SCN4B: variants seen among roughly 807,000 people sequenced by gnomAD.
SCN4B encodes the protein sodium channel regulatory subunit beta-4.
SCN4B carries 20 observed loss-of-function variants against 19.6 expected under a neutral mutation model. The ratio of observed to expected loss-of-function variants is 1.02; its 90% CI spans 0.72 to 1.48. SCN4B has a LOEUF of 1.48. Among genes scored for constraint, SCN4B ranks in the 40% most tolerant of loss-of-function variants. The pLI is 0.00. For synonymous variants in SCN4B, 127 were observed against 122.8 expected, an observed-to-expected ratio of 1.03 and a Z score of -0.22; for missense variants, 271 against 287.5, an observed-to-expected ratio of 0.94 and a Z score of 0.42.
At chr11:118,141,565 G>T in intron 3 of SCN4B, 1 of 587,866 alleles carries the variant, frequency 1.7e-6, no homozygotes, top group East Asian at 2.9e-5. Flanking sequence ...CCCCCACCCT[G>T]CACATGCCCT....
At position 118,133,952 on chromosome 11, in the gene SCN4B, C is replaced by A. The variant is rs1203868582; in HGVS notation, c.*3075G>T. 1 of 454,644 alleles carries A rather than the reference C, an allele frequency of 2.2e-6. No individual in the cohort carries two copies. The highest frequency in any genetic ancestry group is 1.6e-5 in the South Asian group (1 of 64,474). The allele number at this position is 454,644 out of a possible 1,614,324, so 28.2% of individuals were successfully genotyped here. A position where few individuals can be genotyped will look rare whatever the true frequency, so the allele number is the denominator to read the frequency against. The stretch of plus-strand genomic sequence containing the variant: ...CAGCATCTGCCCATCATGCATCACC[C>A]CTTACATGCAGAGCCCATCCACTCC... On this transcript the variant is annotated 3_prime_UTR_variant, in exon 5 of 5. Transcript: ENST00000324727.
intron 1 of SCN4B, among the ~76,000 whole-genome samples, chr11:118,151,223 G>A (rs1301406100): frequency 6.6e-6 from 1 of 152,084 alleles, no homozygotes; most frequent in Non-Finnish European, 1.5e-5. Flanking sequence ...CAAGGGACTG[G>A]CATCCCACCA....
rs539913294 is a variant in SCN4B at position 118,152,095 on chromosome 11, G to A, written c.61+518C>T. ...CTGTAGGGAAGGCAGTGGCTCCTGA[G>A]GGAGGTACAGGGCAGAGGAGCAAAG... On this transcript the variant is annotated intron_variant, in intron 1 of 4. Coordinates refer to ENST00000324727, the MANE Select transcript of SCN4B (RefSeq NM_174934.4). Among the ~76,000 whole-genome samples the A allele has an allele frequency of 5.3e-5, 8 of 152,312 alleles. No homozygotes were observed. In the East Asian group the frequency reaches 1.2e-3, roughly 22 times the overall value.
intron 2 of SCN4B, 122 bp from the exon 3 acceptor site, chr11:118,144,183 T>G: frequency 1.4e-6 from 1 of 717,248 alleles, no homozygotes; most frequent in Non-Finnish European, 2.5e-6. Flanking sequence ...AGGAAGAGCC[T>G]GTAGTCACGC....
Position 118,136,858 on chromosome 11 carries a change from G to T in SCN4B, c.*169C>A, listed in dbSNP as rs1349297458. 1.4e-6 allele frequency: 1 copy of T among 693,528 alleles called. No homozygotes were observed. The highest frequency in any genetic ancestry group is 1.5e-5 in the South Asian group (1 of 66,576). 43.0% of individuals were successfully genotyped at this position (693,528 alleles called of 1,614,324 possible). A position where few individuals can be genotyped will look rare whatever the true frequency, so the allele number is the denominator to read the frequency against. On this transcript the variant is annotated 3_prime_UTR_variant, in exon 5 of 5. Transcript: ENST00000324727. Reference sequence around the variant, plus strand: ...CTTGTCCCTGGGGAGCCCTGACTGGGAAGGGGATGGGCAGGCTGGGCAGGA... The same window carrying T: ...CTTGTCCCTGGGGAGCCCTGACTGGTAAGGGGATGGGCAGGCTGGGCAGGA...
Position 118,152,708 on chromosome 11 carries a change from G to A in SCN4B, c.-35C>T, listed in dbSNP as rs771255756. The A allele has an allele frequency of 9.0e-6, 14 of 1,558,180 alleles. No individual in the cohort carries two copies. Among genetic ancestry groups the A allele is most frequent in the Admixed American group, 1.7e-5 (1 of 58,008 alleles). On this transcript the variant is annotated 5_prime_UTR_variant, in exon 1 of 5. Coordinates refer to ENST00000324727, the MANE Select transcript of SCN4B (RefSeq NM_174934.4). ...CTCTCCGGAGCGCGCGGGGGTCGCGGGGATGGGATACTGGGCACAGCCGCG... is the reference window on the plus strand; with the variant it reads ...CTCTCCGGAGCGCGCGGGGGTCGCGAGGATGGGATACTGGGCACAGCCGCG...
At chr11:118,146,317 A>C (rs1055970873) in intron 1 of SCN4B, among the ~76,000 whole-genome samples, 5 of 150,256 alleles carry the variant, frequency 3.3e-5, no homozygotes, top group African/African-American at 1.2e-4. Flanking sequence ...CCCCACACAC[A>C]CACCCACCCC....
At chr11:118,150,893 G>T (rs1278894275) in intron 1 of SCN4B, among the ~76,000 whole-genome samples, 1 of 152,214 alleles carries the variant, frequency 6.6e-6, no homozygotes, top group African/African-American at 2.4e-5. Flanking sequence ...GACCAGAGGG[G>T]CAGGGGACAG....
At chr11:118,149,862 C>A (rs959702481) in intron 1 of SCN4B, among the ~76,000 whole-genome samples, 1 of 152,200 alleles carries the variant, frequency 6.6e-6, no homozygotes, top group Non-Finnish European at 1.5e-5. Flanking sequence ...GAACTCCAGC[C>A]TTCTCTCTCA....
At chr11:118,141,582 G>A in intron 3 of SCN4B, 1 of 575,680 alleles carries the variant, frequency 1.7e-6, no homozygotes, top group East Asian at 2.9e-5. Flanking sequence ...CCCTCCCACA[G>A]ATGCACTCAC....
Position 118,134,483 on chromosome 11 carries a change from A to AG in SCN4B, c.*2543_*2544insC, listed in dbSNP as rs1947965286. The AG allele has an allele frequency of 2.2e-6, 1 of 453,940 alleles. No individual in the cohort carries two copies. Among genetic ancestry groups the AG allele is most frequent in the African/African-American group, 2.0e-5 (1 of 49,986 alleles). 28.1% of individuals were successfully genotyped at this position (453,940 alleles called of 1,614,324 possible). A position where few individuals can be genotyped will look rare whatever the true frequency, so the allele number is the denominator to read the frequency against. ...TATAATGTTGACATGGGACAGGATG[A>AG]TTCTTTGTTGTGGGGACTAAGTTTA... is the stretch of plus-strand genomic sequence containing the variant. On this transcript the variant is annotated 3_prime_UTR_variant, in exon 5 of 5. Coordinates refer to ENST00000324727, the MANE Select transcript of SCN4B (RefSeq NM_174934.4).
intron 1 of SCN4B, among the ~76,000 whole-genome samples, chr11:118,149,059 C>T (rs1948210721): frequency 6.6e-6 from 1 of 152,160 alleles, no homozygotes; most frequent in East Asian, 1.9e-4. Context: ...GTCCTGGCCC[C>T]CTGCCATCCT....
chr11:118,141,106 G>C (rs953313046), intron 4 of SCN4B, 101 bp downstream of exon 4: 6 of 1,323,388 alleles, frequency 4.5e-6, no homozygotes, highest in East Asian at 2.3e-5. Flanking sequence ...GAATGGGAAT[G>C]GGGGGAAGGA....
In SCN4B at chr11:118,136,516, C is replaced by A. The variant is rs1371338022; in HGVS notation, c.*511G>T. 3.7e-5 allele frequency: 17 copies of A among 454,026 alleles called. No individual in the cohort carries two copies. The Admixed American group carries it at 4.0e-4, about 11-fold the overall frequency. 28.1% of individuals were successfully genotyped at this position (454,026 alleles called of 1,614,324 possible). A position where few individuals can be genotyped will look rare whatever the true frequency, so the allele number is the denominator to read the frequency against. ...TGGTATCCTATGAAGCAGAGGCAGT[C>A]TCTCACTGTGGGCCTGCCCCCATCA... On this transcript the variant is annotated 3_prime_UTR_variant, in exon 5 of 5. Transcript: ENST00000324727.
rs991470760 is a variant in SCN4B, at chr11:118,135,614, G to A, written c.*1413C>T. The A allele has an allele frequency of 4.4e-6, 2 of 454,024 alleles. No individual in the cohort carries two copies. Among genetic ancestry groups the A allele is most frequent in the South Asian group, 3.1e-5 (2 of 64,468 alleles). The allele number at this position is 454,024 out of a possible 1,614,324, so 28.1% of individuals were successfully genotyped here. A position where few individuals can be genotyped will look rare whatever the true frequency, so the allele number is the denominator to read the frequency against. On this transcript the variant is annotated 3_prime_UTR_variant, in exon 5 of 5. Transcript: ENST00000324727. ...CTAGAAACCCCAATGGGAGCACCTG[G>A]CCGACATCTCCAAGATTCAGTCACT...
rs1382830905 is a variant in SCN4B, at chr11:118,135,141, G to A, written c.*1886C>T. On this transcript the variant is annotated 3_prime_UTR_variant, in exon 5 of 5. Transcript: ENST00000324727. ...AATGGCTGGTGGCTCTGGTCTGTCTGCTCCCAAAGCCAGGAAAATCTGAGC... is the reference window on the plus strand; with the variant it reads ...AATGGCTGGTGGCTCTGGTCTGTCTACTCCCAAAGCCAGGAAAATCTGAGC... 1 of 454,130 alleles carries A rather than the reference G, an allele frequency of 2.2e-6. No homozygotes were observed. Among genetic ancestry groups the A allele is most frequent in the Non-Finnish European group, 4.4e-6 (1 of 226,790 alleles). 28.1% of individuals were successfully genotyped at this position (454,130 alleles called of 1,614,324 possible).
At position 118,148,947 on chromosome 11, in the gene SCN4B, C is replaced by T. The variant is rs1181839788; in HGVS notation, c.61+3666G>A. On this transcript the variant is annotated intron_variant, in intron 1 of 4. Transcript: ENST00000324727. The surrounding 1 kb of genome is among the most constrained non-coding windows in gnomAD (Gnocchi z 4.0). The stretch of plus-strand genomic sequence containing the variant: ...ATTGTGGAATTGAGGAACAACTCTT[C>T]CCAGTCCTGATCCTGTGGAATTCCA... Among the ~76,000 whole-genome samples the T allele has an allele frequency of 6.6e-6, 1 of 152,086 alleles. No homozygotes were observed. The highest frequency in any genetic ancestry group is 1.5e-5 in the Non-Finnish European group (1 of 68,024).
chr11:118,141,240 A>G lies in SCN4B; in HGVS notation c.560T>C (p.Ile187Thr). 6.2e-7 allele frequency: 1 copy of G among 1,612,974 alleles called. No individual in the cohort carries two copies. The highest frequency in any genetic ancestry group is 8.5e-7 in the Non-Finnish European group (1 of 1,180,012). ...LILILLIKKL[I>T]IFILKKTREK... The stretch of plus-strand genomic sequence containing the variant: ...CCGAGTCTTCTTCAGGATGAAGATG[A>G]TGAGTTTCTTGATCAGCAGGATGAG... The change falls in exon 4 of 5, where the codon ATC becomes ACC. Residue 187 changes from isoleucine (I) to threonine (T), a missense_variant. Ile to Thr is a moderately conservative substitution (Grantham distance 89, BLOSUM62 -1). Transcript: ENST00000324727.
rs76776242 is a variant in SCN4B, at chr11:118,134,075, C to T, written c.*2952G>A. 2,323 of 454,468 alleles carry T rather than the reference C, an allele frequency of 5.1e-3. 40 individuals are homozygous for T. Among genetic ancestry groups the T allele is most frequent in the African/African-American group, 0.041 (2,065 of 50,110 alleles). 28.2% of individuals were successfully genotyped at this position (454,468 alleles called of 1,614,324 possible). A position where few individuals can be genotyped will look rare whatever the true frequency, so the allele number is the denominator to read the frequency against. On this transcript the variant is annotated 3_prime_UTR_variant, in exon 5 of 5. Transcript: ENST00000324727. Reference sequence around the variant, plus strand: ...TCTCACAAGCATGCTCTCAAGCCCTCGCTCCACAAGAGCTCTGATCGGCCT... The same window carrying T: ...TCTCACAAGCATGCTCTCAAGCCCTTGCTCCACAAGAGCTCTGATCGGCCT...
Sources: allele counts gnomAD v4.1 joint callset (sites outside exome capture counted in the v4.1 genomes callset), GRCh38; gene constraint gnomAD v4.1.1; non-coding constraint Gnocchi (gnomAD v3.1); transcripts MANE v1.5; gene names NCBI Gene and HGNC (gene_info 2026-07-23, HGNC 2026-07-21).